CREB5: variants seen among roughly 807,000 people sequenced by gnomAD.
The protein encoded by CREB5 is cAMP responsive element binding protein 5.
CREB5 carries 19 observed loss-of-function variants against 57.1 expected under a neutral mutation model. That is an observed-to-expected ratio of 0.33 (90% CI 0.23 to 0.49). The LOEUF (loss-of-function observed/expected upper bound fraction) is 0.49. CREB5 is among the 20% of genes least tolerant of loss of function. The pLI, the probability that CREB5 is intolerant of heterozygous loss-of-function variation, is 0.99. For synonymous variants in CREB5, 238 were observed against 238.3 expected (o/e 1.00, Z 0.01); for missense variants, 579 against 671.6 (o/e 0.86, Z 1.52).
In CREB5 at chr7:28,386,952, C is replaced by T. The variant is rs184070917; in HGVS notation, c.-25+87511C>T. On this transcript the variant is annotated intron_variant, in intron 1 of 9. Transcript: ENST00000396299. ...ATAGTATTCCATGGTGTGTATATAC[C>T]ATATTTTCTTTATCCAGTCTATTAT... Among the ~76,000 whole-genome samples the T allele has an allele frequency of 2.1e-3, 321 of 152,102 alleles. 1 individual carries two copies. In the Middle Eastern group the frequency reaches 0.051, roughly 24 times the overall value.
At chr7:28,546,181 A>T (rs994805433) in intron 4 of CREB5, among the ~76,000 whole-genome samples, 3 of 152,166 alleles carry the variant, frequency 2.0e-5, no homozygotes, top group Non-Finnish European at 4.4e-5. Flanking sequence ...ATTTAGCATA[A>T]TGTTGTCAAG....
chr7:28,365,422 C>T (rs1039963128), intron 1 of CREB5, among the ~76,000 whole-genome samples: 3 of 152,114 alleles, frequency 2.0e-5, no homozygotes, highest in African/African-American at 7.2e-5. Context: ...CCTTTCCTCC[C>T]GGAATTATCC....
At chr7:28,748,569 A>C (rs1031230032) in intron 7 of CREB5, among the ~76,000 whole-genome samples, 1 of 152,244 alleles carries the variant, frequency 6.6e-6, no homozygotes, top group African/African-American at 2.4e-5. Context: ...AAATTCTTTA[A>C]ATACCCAGGG....
chr7:28,342,008 A>G (rs1227521911), intron 1 of CREB5, among the ~76,000 whole-genome samples: 1 of 152,184 alleles, frequency 6.6e-6, no homozygotes, highest in Non-Finnish European at 1.5e-5. Flanking sequence ...TTCTTAGTAA[A>G]TGTGGTTGGA....
intron 5 of CREB5, among the ~76,000 whole-genome samples, chr7:28,694,429 CTTCCT>C (rs1349360940): frequency 6.7e-6 from 1 of 149,794 alleles, no homozygotes; most frequent in Non-Finnish European, 1.5e-5. Context: ...TTGCCATTTC[CTTCCT>C]CTGAGGGCAA....
chr7:28,438,103 C>A (rs1789032154), intron 1 of CREB5, among the ~76,000 whole-genome samples: 1 of 152,076 alleles, frequency 6.6e-6, no homozygotes, highest in African/African-American at 2.4e-5. Flanking sequence ...AGACAAAGCA[C>A]AAGAATCCTG....
intron 5 of CREB5, among the ~76,000 whole-genome samples, chr7:28,717,681 C>G (rs1016038497): frequency 6.6e-6 from 1 of 152,198 alleles, no homozygotes; most frequent in African/African-American, 2.4e-5. Context: ...CTCGTTCTCT[C>G]TCTCTTAAGA....
chr7:28,347,466 T>C (rs1368779616), intron 1 of CREB5, among the ~76,000 whole-genome samples: 2 of 152,130 alleles, frequency 1.3e-5, no homozygotes, highest in African/African-American at 4.8e-5. Context: ...CTTTAAAAAA[T>C]GAAGTGAGTA....
chr7:28,672,427 G>T (rs1389619920), intron 5 of CREB5, among the ~76,000 whole-genome samples: 2 of 151,968 alleles, frequency 1.3e-5, no homozygotes, highest in Non-Finnish European at 2.9e-5. Flanking sequence ...AACAGATCCA[G>T]GATGTTGTAC....
chr7:28,330,402 T>C (rs73686143), intron 1 of CREB5, among the ~76,000 whole-genome samples: 71 of 40,172 alleles, frequency 1.8e-3, no homozygotes, highest in African/African-American at 7.0e-3. Context: ...AGAACCTTAC[T>C]TTTTTTTTTT....
intron 1 of CREB5, among the ~76,000 whole-genome samples, chr7:28,397,966 T>G (rs42700): frequency 0.2 from 29,960 of 152,192 alleles, 3,795 homozygotes; most frequent in Non-Finnish European, 0.28. Flanking sequence ...AATTTACCAT[T>G]TTAACCATTT....
rs1008463496 is a variant in CREB5 at position 28,825,706 on chromosome 7, TTG to T, written c.*6431_*6432del. 8 of 152,596 alleles carry T rather than the reference TTG, an allele frequency of 5.2e-5. No homozygotes were observed. Among genetic ancestry groups the T allele is most frequent in the Admixed American group, 3.3e-4 (5 of 15,276 alleles). 9.5% of individuals were successfully genotyped at this position (152,596 alleles called of 1,614,324 possible). On this transcript the variant is annotated 3_prime_UTR_variant, in exon 11 of 11. Coordinates refer to ENST00000357727, the MANE Select transcript of CREB5 (RefSeq NM_182898.4). The stretch of plus-strand genomic sequence containing the variant: ...GCTGCAGCATTTAATATGTTTAATT[TTG>T]TGTTAAGCTTTTTGTTGCATCGTGA...
intron 1 of CREB5, among the ~76,000 whole-genome samples, chr7:28,468,235 G>C (rs1790670262): frequency 6.6e-6 from 1 of 152,180 alleles, no homozygotes. Flanking sequence ...CCAGCACCAG[G>C]TCCTGTCTGC....
intron 1 of CREB5, among the ~76,000 whole-genome samples, chr7:28,367,219 A>G (rs1583401300): frequency 6.6e-6 from 1 of 152,070 alleles, no homozygotes; most frequent in South Asian, 2.1e-4. Context: ...ATCAGTCCCA[A>G]TGCTTCAACT....
At chr7:28,325,337 C>T (rs1340305957) in intron 1 of CREB5, among the ~76,000 whole-genome samples, 1 of 152,050 alleles carries the variant, frequency 6.6e-6, no homozygotes, top group South Asian at 2.1e-4. Flanking sequence ...CGCCTGTGGT[C>T]CCAGCTACTC....
chr7:28,413,454 G>A (rs1787893381), intron 1 of CREB5, among the ~76,000 whole-genome samples: 1 of 152,050 alleles, frequency 6.6e-6, no homozygotes, highest in Admixed American at 6.5e-5. Context: ...TGTCTCCCCA[G>A]AAATGTTTCT....
At chr7:28,751,654 T>C (rs192920935) in intron 7 of CREB5, among the ~76,000 whole-genome samples, 3 of 152,368 alleles carry the variant, frequency 2.0e-5, no homozygotes, top group African/African-American at 7.2e-5. Context: ...GCAAAAATGG[T>C]ACAGAGTTCC....
At chr7:28,418,629 G>GT (rs1302215118) in intron 1 of CREB5, among the ~76,000 whole-genome samples, 2 of 152,102 alleles carry the variant, frequency 1.3e-5, no homozygotes, top group Non-Finnish European at 2.9e-5. Context: ...AAAATTACAT[G>GT]TTTTTCTACA....
At chr7:28,304,177 G>C (rs897449087) in intron 1 of CREB5, among the ~76,000 whole-genome samples, 1 of 152,246 alleles carries the variant, frequency 6.6e-6, no homozygotes, top group East Asian at 1.9e-4. Context: ...AAATAAATGA[G>C]AGTCCTGGCA....
Sources: gnomAD v4.1 joint callset for allele counts (sites outside exome capture counted in the v4.1 genomes callset) on GRCh38, gnomAD v4.1.1 for gene constraint, MANE v1.5 for transcripts, NCBI Gene and HGNC (gene_info 2026-07-23, HGNC 2026-07-21) for gene names.